Variants in ZFYVE9 observed in about 807,000 individuals in gnomAD.
The protein encoded by ZFYVE9 is zinc finger FYVE domain-containing protein 9.
ZFYVE9 carries 43 observed loss-of-function variants against 126.7 expected under a neutral mutation model. That is an observed-to-expected ratio of 0.34 (90% CI 0.27 to 0.44). The LOEUF (loss-of-function observed/expected upper bound fraction) is 0.44, where lower values mean the gene tolerates loss of function less well. ZFYVE9 is among the 20% of genes least tolerant of loss of function. The pLI is 1.00. For missense variants in ZFYVE9, 1,476 were observed against 1,697.0 expected (o/e 0.87, Z 2.29); for synonymous variants, 521 against 597.4 (o/e 0.87, Z 1.87).
chr1:52,216,198 A>G (rs1212307405), intron 1 of ZFYVE9, among the ~76,000 whole-genome samples, 171 bp from the exon 2 acceptor site: 1 of 152,208 alleles, frequency 6.6e-6, no homozygotes, highest in African/African-American at 2.4e-5. Flanking sequence ...AGACAATAAA[A>G]TGTCTCTGTT....
intron 1 of ZFYVE9, among the ~76,000 whole-genome samples, chr1:52,204,223 G>T (rs997377040): frequency 1.3e-5 from 2 of 152,024 alleles, no homozygotes; most frequent in Admixed American, 1.3e-4. Flanking sequence ...ATAGTTCTAC[G>T]ATTAAGTCTC....
At chr1:52,215,523 TTTAAAA>T (rs1438808839) in intron 1 of ZFYVE9, among the ~76,000 whole-genome samples, 1 of 152,222 alleles carries the variant, frequency 6.6e-6, no homozygotes, top group Non-Finnish European at 1.5e-5. Context: ...TCAGTTTATC[TTTAAAA>T]TTAAGTAGTG....
chr1:52,327,696 G>A (rs1032014407), intron 13 of ZFYVE9, among the ~76,000 whole-genome samples: 4 of 151,762 alleles, frequency 2.6e-5, no homozygotes, highest in East Asian at 3.9e-4. Context: ...AAGGTAGGCC[G>A]GGCGCGATGG....
At chr1:52,219,474 A>C (rs1036415116) in intron 2 of ZFYVE9, among the ~76,000 whole-genome samples, 5 of 151,766 alleles carry the variant, frequency 3.3e-5, no homozygotes, top group Admixed American at 6.6e-5. Flanking sequence ...TAGGAGTATT[A>C]GATAAGGAGT....
Position 52,303,860 on chromosome 1 carries a change from G to A in ZFYVE9, c.3373G>A (p.Gly1125Ser). ...NYQYTLPVVQGLVVDMEVRKT... is the reference protein window; with the variant it reads ...NYQYTLPVVQSLVVDMEVRKT... ...CCAGTATACCTTGCCAGTAGTTCAA[G>A]GTTTGGTGGTTGATATGGAAGTTCG... The change falls in exon 13 of 19, where the codon GGT (glycine) becomes AGT (serine). Residue 1125 changes from glycine to serine, a missense_variant. Transcript: ENST00000287727. 1.3e-6 allele frequency: 2 copies of A among 1,598,962 alleles called. No individual in the cohort carries two copies. Among genetic ancestry groups the A allele is most frequent in the Admixed American group, 1.7e-5 (1 of 58,066 alleles).
chr1:52,292,383 C>T (rs1306038574), intron 10 of ZFYVE9, among the ~76,000 whole-genome samples: 2 of 151,246 alleles, frequency 1.3e-5, no homozygotes, highest in African/African-American at 4.9e-5. Context: ...GTACTTATTA[C>T]CATAATTCAT....
chr1:52,292,425 G>T (rs1645930747), intron 10 of ZFYVE9, among the ~76,000 whole-genome samples: 1 of 149,730 alleles, frequency 6.7e-6, no homozygotes, highest in Non-Finnish European at 1.5e-5. Context: ...TTCACCCAGT[G>T]AAATTATAAG....
intron 7 of ZFYVE9, among the ~76,000 whole-genome samples, chr1:52,273,253 C>CA (rs1481339836): frequency 3.4e-5 from 5 of 149,222 alleles, no homozygotes; most frequent in Non-Finnish European, 7.5e-5. Flanking sequence ...GTGATCCACC[C>CA]ACCTCAGACT....
intron 1 of ZFYVE9, among the ~76,000 whole-genome samples, chr1:52,154,256 A>G (rs1572059199): frequency 6.6e-6 from 1 of 152,360 alleles, no homozygotes; most frequent in African/African-American, 2.4e-5. Flanking sequence ...GGCCCATCCA[A>G]GATGGAAGAG....
chr1:52,266,288 G>A (rs534889903), intron 5 of ZFYVE9, among the ~76,000 whole-genome samples: 4 of 150,704 alleles, frequency 2.7e-5, no homozygotes, highest in South Asian at 2.1e-4. Flanking sequence ...TAGTAGAGAC[G>A]GGGTTTCACC....
chr1:52,152,664 C>T (rs955896993), intron 1 of ZFYVE9, among the ~76,000 whole-genome samples: 1 of 152,176 alleles, frequency 6.6e-6, no homozygotes, highest in African/African-American at 2.4e-5. Flanking sequence ...GCTCTAGAGT[C>T]AAACTGTCTG....
intron 13 of ZFYVE9, among the ~76,000 whole-genome samples, chr1:52,311,029 C>T (rs1452781434): frequency 6.6e-6 from 1 of 152,082 alleles, no homozygotes; most frequent in Non-Finnish European, 1.5e-5. Flanking sequence ...CTGTGCGCAG[C>T]TAATTTTTAA....
chr1:52,255,265 T>C (rs1645492564), intron 4 of ZFYVE9, among the ~76,000 whole-genome samples: 1 of 152,152 alleles, frequency 6.6e-6, no homozygotes, highest in African/African-American at 2.4e-5. Flanking sequence ...AAAACAGATA[T>C]GTCTGAAGGA....
chr1:52,195,516 T>C (rs755112293), intron 1 of ZFYVE9, among the ~76,000 whole-genome samples: 1 of 152,220 alleles, frequency 6.6e-6, no homozygotes. Context: ...CTCTGCCCTC[T>C]TGTAGTATAC....
chr1:52,311,004 T>C (rs1393095976), intron 13 of ZFYVE9, among the ~76,000 whole-genome samples: 1 of 152,166 alleles, frequency 6.6e-6, no homozygotes, highest in Admixed American at 6.5e-5. Context: ...AAGCTGGGAC[T>C]ACAGGTGTGC....
chr1:52,203,031 T>C (rs1468702375), intron 1 of ZFYVE9, among the ~76,000 whole-genome samples: 1 of 152,094 alleles, frequency 6.6e-6, no homozygotes, highest in Non-Finnish European at 1.5e-5. Context: ...AAGGACAATT[T>C]TATAGGGGTA....
At chr1:52,179,882 A>G in intron 1 of ZFYVE9, 1 of 801,448 alleles carries the variant, frequency 1.2e-6, no homozygotes, top group South Asian at 1.4e-5. Context: ...ATGGAGTGAC[A>G]TCTTACACAA....
At chr1:52,158,242 C>T (rs1248307261) in intron 1 of ZFYVE9, among the ~76,000 whole-genome samples, 1 of 152,208 alleles carries the variant, frequency 6.6e-6, no homozygotes, top group African/African-American at 2.4e-5. Context: ...TGGTTTATGC[C>T]AGTCCTGCTG....
At chr1:52,174,550 G>C (rs1002548950) in intron 1 of ZFYVE9, among the ~76,000 whole-genome samples, 11 of 148,696 alleles carry the variant, frequency 7.4e-5, no homozygotes. Flanking sequence ...TTCAATTCCT[G>C]GGTATCCTTG....
Sources: allele counts gnomAD v4.1 joint callset (sites outside exome capture counted in the v4.1 genomes callset), GRCh38; gene constraint gnomAD v4.1.1; transcripts MANE v1.5; gene names NCBI Gene and HGNC (gene_info 2026-07-23, HGNC 2026-07-21).